Variants in SLC8A1 observed in about 807,000 individuals in gnomAD.
SLC8A1 encodes the protein sodium/calcium exchanger 1.
A neutral mutation model predicts 68.3 loss-of-function variants in SLC8A1; 18 were observed. The ratio of observed to expected loss-of-function variants is 0.26; its 90% CI spans 0.18 to 0.39. The LOEUF is 0.39. SLC8A1 is among the 10% of genes least tolerant of loss of function. The pLI, the probability that SLC8A1 is intolerant of heterozygous loss-of-function variation, is 1.00. For synonymous variants in SLC8A1, 475 were observed against 415.5 expected, an observed-to-expected ratio of 1.14 and a Z score of -1.74; for missense variants, 985 against 1,156.7, an observed-to-expected ratio of 0.85 and a Z score of 2.15.
intron 2 of SLC8A1, chr2:40,190,836 T>A (rs747535974): frequency 6.6e-6 from 1 of 152,152 alleles, no homozygotes; most frequent in Non-Finnish European, 1.5e-5. Context: ...GCATCCCACT[T>A]AGCAGTTGCC....
chr2:40,116,680 G>A (rs1572722411), intron 7 of SLC8A1: 1 of 152,276 alleles, frequency 6.6e-6, no homozygotes, highest in East Asian at 1.9e-4. Context: ...AACATGTTAG[G>A]GCTACAGCTC....
intron 2 of SLC8A1, among the ~76,000 whole-genome samples, chr2:40,363,060 G>T (rs1463238373): frequency 6.6e-6 from 1 of 151,996 alleles, no homozygotes; most frequent in East Asian, 1.9e-4. Flanking sequence ...AGAAGGTACT[G>T]CTTTCATTCA....
chr2:40,207,381 C>T (rs1426280772), intron 2 of SLC8A1, among the ~76,000 whole-genome samples: 3 of 151,900 alleles, frequency 2.0e-5, no homozygotes, highest in Non-Finnish European at 4.4e-5. Context: ...AAGATACTGG[C>T]TTTCTGAATG....
At chr2:40,173,008 C>G (rs566216799) in intron 4 of SLC8A1, among the ~76,000 whole-genome samples, 2 of 152,262 alleles carry the variant, frequency 1.3e-5, no homozygotes, top group African/African-American at 2.4e-5. Flanking sequence ...GTGTTTTTGA[C>G]GTGTGGCTAC....
chr2:40,237,550 A>G (rs1182710998), intron 2 of SLC8A1, among the ~76,000 whole-genome samples: 2 of 151,582 alleles, frequency 1.3e-5, no homozygotes, highest in Admixed American at 6.6e-5. Context: ...TTTGGTTTGA[A>G]TGTCCTCCCG....
chr2:40,102,636 A>C (rs1022597963), exon 8 of SLC8A1: 5 of 152,162 alleles, frequency 3.3e-5, no homozygotes, highest in African/African-American at 4.8e-5. Context: ...GTGAGGAAGA[A>C]AGGCTAAATC....
upstream of SLC8A1, among the ~76,000 whole-genome samples, chr2:40,456,597 T>C (rs1703038539): frequency 6.6e-6 from 1 of 152,162 alleles, no homozygotes; most frequent in Non-Finnish European, 1.5e-5. Context: ...ACCTCTTAAA[T>C]CTCAATATCT....
chr2:40,324,041 G>T (rs569352498), intron 2 of SLC8A1, among the ~76,000 whole-genome samples: 1 of 151,502 alleles, frequency 6.6e-6, no homozygotes, highest in African/African-American at 2.4e-5. Flanking sequence ...GGGGGGGGCT[G>T]TTAACAATTA....
At chr2:40,415,555 A>G (rs1178129649) in intron 2 of SLC8A1, among the ~76,000 whole-genome samples, 1 of 152,090 alleles carries the variant, frequency 6.6e-6, no homozygotes, top group Non-Finnish European at 1.5e-5. Flanking sequence ...TCTCCATTCC[A>G]GCAGGCATGT....
intron 2 of SLC8A1, among the ~76,000 whole-genome samples, chr2:40,253,500 ATT>A (rs1251585773): frequency 6.6e-6 from 1 of 152,014 alleles, no homozygotes; most frequent in Non-Finnish European, 1.5e-5. Flanking sequence ...AAAAAAGTGG[ATT>A]TCATGGAGGT....
At chr2:40,225,131 A>C (rs2148864121) in intron 2 of SLC8A1, among the ~76,000 whole-genome samples, 1 of 152,224 alleles carries the variant, frequency 6.6e-6, no homozygotes, top group East Asian at 1.9e-4. Flanking sequence ...TTATCCTCTG[A>C]GTGATTGGTC....
chr2:40,155,685 A>G (rs540819646), intron 6 of SLC8A1, among the ~76,000 whole-genome samples: 101 of 152,314 alleles, frequency 6.6e-4, no homozygotes, highest in Non-Finnish European at 1.1e-3. Context: ...CTGAGTTGAC[A>G]GTATTTTATA....
chr2:40,250,855 G>C (rs1047263197), intron 2 of SLC8A1: 10 of 152,124 alleles, frequency 6.6e-5, no homozygotes, highest in African/African-American at 2.4e-4. Flanking sequence ...TGCAAAAAAA[G>C]TACCTGTAAC....
At chr2:40,144,619 G>T (rs2042125129) in intron 6 of SLC8A1, among the ~76,000 whole-genome samples, 2 of 150,836 alleles carry the variant, frequency 1.3e-5, no homozygotes, top group Non-Finnish European at 3.0e-5. Context: ...ATTAATATTT[G>T]TATTCTAATA....
intron 2 of SLC8A1, among the ~76,000 whole-genome samples, chr2:40,282,710 A>G (rs1416628486): frequency 6.6e-6 from 1 of 152,134 alleles, no homozygotes; most frequent in Non-Finnish European, 1.5e-5. Flanking sequence ...AATAATTGCC[A>G]GGAATTTTAA....
intron 7 of SLC8A1, among the ~76,000 whole-genome samples, chr2:40,122,282 A>G (rs949300960): frequency 6.6e-6 from 1 of 151,952 alleles, no homozygotes; most frequent in Non-Finnish European, 1.5e-5. Flanking sequence ...AAGAATCATC[A>G]TTTGGCTTCC....
At chr2:40,331,783 A>G (rs35970998) in intron 2 of SLC8A1, among the ~76,000 whole-genome samples, 37,687 of 151,770 alleles carry the variant, frequency 0.25, 5,064 homozygotes, top group East Asian at 0.38. Flanking sequence ...TAGTAGAGAC[A>G]GGGTTTTGCC....
chr2:40,434,035 T>C (rs1698915406), intron 1 of SLC8A1, among the ~76,000 whole-genome samples: 1 of 152,178 alleles, frequency 6.6e-6, no homozygotes, highest in South Asian at 2.1e-4. Flanking sequence ...TGGCAACCTC[T>C]TCCTGCATGC....
At chr2:40,358,713 C>T (rs1433704385) in intron 2 of SLC8A1, among the ~76,000 whole-genome samples, 3 of 152,168 alleles carry the variant, frequency 2.0e-5, no homozygotes, top group Non-Finnish European at 2.9e-5. Flanking sequence ...GTCCAAGGTG[C>T]TGCTAGGATT....
Sources: gnomAD v4.1 joint callset for allele counts (sites outside exome capture counted in the v4.1 genomes callset) on GRCh38, gnomAD v4.1.1 for gene constraint, MANE v1.5 for transcripts, NCBI Gene and HGNC (gene_info 2026-07-23, HGNC 2026-07-21) for gene names.